RMND5A: variants seen among roughly 807,000 people sequenced by gnomAD.
RMND5A encodes the protein required for meiotic nuclear division 5 homolog A.
In RMND5A, 17 loss-of-function variants were observed where a neutral mutation model predicts 49.7. That is an observed-to-expected ratio of 0.34 (90% CI 0.23 to 0.51). The LOEUF (loss-of-function observed/expected upper bound fraction) is 0.51, where lower values mean the gene tolerates loss of function less well. RMND5A is among the 20% of genes least tolerant of loss of function. The pLI, the probability that RMND5A is intolerant of heterozygous loss-of-function variation, is 0.96. For missense variants in RMND5A, 255 were observed against 471.3 expected (o/e 0.54, Z 4.25); for synonymous variants, 156 against 167.7 (o/e 0.93, Z 0.54).
At chr2:86,764,122 T>G (rs1672552401) in intron 4 of RMND5A, among the ~76,000 whole-genome samples, 2 of 152,202 alleles carry the variant, frequency 1.3e-5, no homozygotes, top group African/African-American at 4.8e-5. Context: ...CTCTTGTGGT[T>G]TATGGAGTTA....
At chr2:86,758,013 A>G (rs938949375) in intron 4 of RMND5A, among the ~76,000 whole-genome samples, 1 of 152,230 alleles carries the variant, frequency 6.6e-6, no homozygotes, top group Non-Finnish European at 1.5e-5. Flanking sequence ...TATGTCCACC[A>G]TGGAGGTTGT....
chr2:86,750,091 A>C (rs1369492046), intron 2 of RMND5A, among the ~76,000 whole-genome samples: 1 of 152,236 alleles, frequency 6.6e-6, no homozygotes, highest in Non-Finnish European at 1.5e-5. Flanking sequence ...TGTCTAGTTA[A>C]GTTTATATAT....
intron 4 of RMND5A, among the ~76,000 whole-genome samples, chr2:86,759,576 T>C (rs1681807976): frequency 6.6e-6 from 1 of 152,060 alleles, no homozygotes; most frequent in Non-Finnish European, 1.5e-5. Context: ...AAAAAAATTA[T>C]AGAGTTAATA....
intron 6 of RMND5A, among the ~76,000 whole-genome samples, chr2:86,768,878 C>A (rs1040955284): frequency 6.6e-6 from 1 of 152,190 alleles, no homozygotes; most frequent in African/African-American, 2.4e-5. Context: ...AAGCTGAGCC[C>A]ATTAAATCCA....
intron 2 of RMND5A, among the ~76,000 whole-genome samples, chr2:86,751,416 T>C (rs1179052851): frequency 6.6e-6 from 1 of 152,202 alleles, no homozygotes; most frequent in Non-Finnish European, 1.5e-5. Flanking sequence ...GAGGTGTAGA[T>C]AAACCACTCT....
chr2:86,770,945 A>G lies in RMND5A; in HGVS notation c.958-613A>G, dbSNP rs543726046. ...CAGACCCTGAAAAGCTAACATACGC[A>G]TTTGTTTTTTTGCCCGTTTTATACC... On this transcript the variant is annotated intron_variant, in intron 7 of 8. Coordinates refer to ENST00000283632, the MANE Select transcript of RMND5A (RefSeq NM_022780.4). Among the ~76,000 whole-genome samples the G allele has an allele frequency of 2.6e-5, 4 of 152,104 alleles. 1 individual carries two copies. The South Asian group carries it at 6.2e-4, about 24-fold the overall frequency.
Position 86,769,381 on chromosome 2 carries a change from C to T in RMND5A, c.855-642C>T, listed in dbSNP as rs138138551. On this transcript the variant is annotated intron_variant, in intron 6 of 8. Coordinates refer to ENST00000283632, the MANE Select transcript of RMND5A (RefSeq NM_022780.4). ...TCTAATTAGCGTATACCTTGGAGCA[C>T]ATTTTGTAAGAAAAATAAGTCTGGT... Among the ~76,000 whole-genome samples, 263 of 152,256 alleles carry T rather than the reference C, an allele frequency of 1.7e-3. 1 individual carries two copies. The highest frequency in any genetic ancestry group is 5.8e-3 in the African/African-American group (243 of 41,542).
intron 6 of RMND5A, among the ~76,000 whole-genome samples, chr2:86,767,267 T>C (rs1672614085): frequency 6.6e-6 from 1 of 152,180 alleles, no homozygotes; most frequent in African/African-American, 2.4e-5. Flanking sequence ...TTTCATCATG[T>C]TGGCCATGCT....
intron 4 of RMND5A, among the ~76,000 whole-genome samples, chr2:86,763,089 A>G (rs1025724749): frequency 2.0e-5 from 3 of 152,140 alleles, no homozygotes; most frequent in African/African-American, 7.2e-5. Context: ...CTCCCATTTA[A>G]CACTATATCA....
Position 86,774,453 on chromosome 2 carries a change from A to G in RMND5A, c.*1042A>G, listed in dbSNP as rs1402160552. ...ATTGCTGTTTTTGTGTTTGAATAGT[A>G]TAATGTTTGATGCCTCTCTTCTGCA... On this transcript the variant is annotated 3_prime_UTR_variant, in exon 9 of 9. Transcript: ENST00000283632. The G allele has an allele frequency of 6.6e-6, 1 of 152,666 alleles. No homozygotes were observed. The highest frequency in any genetic ancestry group is 1.5e-5 in the Non-Finnish European group (1 of 68,052). The allele number at this position is 152,666 out of a possible 1,614,324, so 9.5% of individuals were successfully genotyped here. A position where few individuals can be genotyped will look rare whatever the true frequency, so the allele number is the denominator to read the frequency against.
intron 1 of RMND5A, among the ~76,000 whole-genome samples, chr2:86,732,697 A>T (rs546659084): frequency 6.7e-6 from 1 of 148,484 alleles, no homozygotes; most frequent in East Asian, 1.9e-4. Context: ...TATATTAGAG[A>T]TGTTTCATTG....
rs1558729419 is a variant in RMND5A at position 86,775,584 on chromosome 2, G to T, written c.*2173G>T. On this transcript the variant is annotated 3_prime_UTR_variant, in exon 9 of 9. Transcript: ENST00000283632. ...GCTGGGAGCCAAAAAACTGTTGACG[G>T]TTTTTTGTGCAGCTCAAGAAAACTT... The T allele has an allele frequency of 6.6e-6, 1 of 151,934 alleles. No homozygotes were observed. Among genetic ancestry groups the T allele is most frequent in the East Asian group, 1.9e-4 (1 of 5,172 alleles). The allele number at this position is 151,934 out of a possible 1,614,324, so 9.4% of individuals were successfully genotyped here. A position where few individuals can be genotyped will look rare whatever the true frequency, so the allele number is the denominator to read the frequency against.
intron 6 of RMND5A, among the ~76,000 whole-genome samples, chr2:86,767,892 T>G (rs1672627653): frequency 6.6e-6 from 1 of 152,198 alleles, no homozygotes; most frequent in African/African-American, 2.4e-5. Flanking sequence ...AAGGTTTTTT[T>G]TCATTTACCT....
At chr2:86,760,735 T>G (rs1672465571) in intron 4 of RMND5A, among the ~76,000 whole-genome samples, 1 of 135,206 alleles carries the variant, frequency 7.4e-6, no homozygotes. Context: ...CCTCTAGAAG[T>G]GAAATTGAAT....
intron 4 of RMND5A, among the ~76,000 whole-genome samples, chr2:86,755,606 C>T (rs920764852): frequency 2.0e-5 from 3 of 152,202 alleles, no homozygotes; most frequent in African/African-American, 7.2e-5. Flanking sequence ...TAGTCACTGG[C>T]ACATAGTATT....
In RMND5A at chr2:86,765,971, A is replaced by C. The variant is rs1421744412; in HGVS notation, c.801A>C (p.Thr267=). ...NQWADICDIF[T]RDACALLGLS... ...GGGCTGATATCTGTGACATCTTTAC[A>C]CGGGATGCTTGTGCCCTCCTGGGGC... The change falls in exon 6 of 9, where the codon ACA becomes ACC. Residue 267 remains threonine (T), a synonymous_variant. Coordinates refer to ENST00000283632, the MANE Select transcript of RMND5A (RefSeq NM_022780.4). The C allele has an allele frequency of 3.1e-6, 5 of 1,614,168 alleles. 1 individual carries two copies. The South Asian group carries it at 5.5e-5, about 18-fold the overall frequency.
At chr2:86,771,255 T>A (rs1672681464) in intron 7 of RMND5A, 1 of 249,206 alleles carries the variant, frequency 4.0e-6, no homozygotes, top group Non-Finnish European at 7.7e-6. Context: ...AAGAGCAGAC[T>A]GAAATCTGAA....
intron 2 of RMND5A, among the ~76,000 whole-genome samples, chr2:86,743,833 A>G (rs1295867979): frequency 2.6e-5 from 4 of 151,626 alleles, no homozygotes; most frequent in African/African-American, 9.7e-5. Context: ...TAAAAATACA[A>G]AAAAAAATTA....
chr2:86,753,600 C>T, intron 4 of RMND5A, 42 bp downstream of exon 4: 1 of 1,029,346 alleles, frequency 9.7e-7, no homozygotes, highest in Non-Finnish European at 1.5e-6. Context: ...TTTGAGAACT[C>T]TCTGTAAGAA....
Sources: allele counts gnomAD v4.1 joint callset (sites outside exome capture counted in the v4.1 genomes callset), GRCh38; gene constraint gnomAD v4.1.1; transcripts MANE v1.5; gene names NCBI Gene and HGNC (gene_info 2026-07-23, HGNC 2026-07-21).